The following NME7 variants were observed in gnomAD, a reference collection of about 807,000 sequenced individuals.
NME7 encodes nucleoside diphosphate kinase 7.
A neutral mutation model predicts 49.1 loss-of-function variants in NME7; 41 were observed. The ratio of observed to expected loss-of-function variants is 0.83; its 90% confidence interval spans 0.65 to 1.08. The LOEUF (loss-of-function observed/expected upper bound fraction) is 1.08, where lower values mean the gene tolerates loss of function less well. Ranked by LOEUF, NME7 falls within the 50% of genes least tolerant of loss-of-function variation. The pLI, the probability that NME7 is intolerant of heterozygous loss-of-function variation, is 0.00. For missense variants in NME7, 423 were observed against 463.4 expected (o/e 0.91, Z 0.80); for synonymous variants, 139 against 150.6 (o/e 0.92, Z 0.56).
chr1:169,180,783 A>C (rs532894124), intron 10 of NME7, among the ~76,000 whole-genome samples: 1 of 152,200 alleles, frequency 6.6e-6, no homozygotes, highest in Non-Finnish European at 1.5e-5. Flanking sequence ...AATTAATAAA[A>C]ATTATTAATG....
chr1:169,176,176 T>TGG (rs1659745182), intron 10 of NME7, among the ~76,000 whole-genome samples: 1 of 151,792 alleles, frequency 6.6e-6, no homozygotes, highest in Admixed American at 6.6e-5. Flanking sequence ...CAAACTAAAA[T>TGG]GAGATAATGA....
chr1:169,343,162 T>C (rs1006040869), intron 1 of NME7, among the ~76,000 whole-genome samples: 4 of 151,394 alleles, frequency 2.6e-5, no homozygotes, highest in African/African-American at 4.9e-5. Flanking sequence ...TTTGGTGTCA[T>C]ATCTAAGAAG....
At chr1:169,136,277 C>G (rs1658428960) in intron 11 of NME7, among the ~76,000 whole-genome samples, 1 of 152,156 alleles carries the variant, frequency 6.6e-6, no homozygotes, top group Admixed American at 6.5e-5. Flanking sequence ...TGGGGAGGTT[C>G]TGATGAGTCT....
In NME7 at chr1:169,257,036, C is replaced by T. The variant is rs1313636343; in HGVS notation, c.755-19349G>A. On this transcript the variant is annotated intron_variant, in intron 7 of 11. Coordinates refer to ENST00000367811, the MANE Select transcript of NME7 (RefSeq NM_013330.5). ...CTTTTTGTTTGTCTGTGCCCTGCCC[C>T]CAGAGGTGGAGCCTACAGAGGCAGG... 2.0e-4 allele frequency among the ~76,000 whole-genome samples: 26 copies of T among 132,744 alleles called. 3 individuals are homozygous for T. Among genetic ancestry groups the T allele is most frequent in the African/African-American group, 6.6e-4 (26 of 39,386 alleles). The allele number at this position is 132,744 out of a possible 152,430, so 87.1% of individuals were successfully genotyped here. A position where few individuals can be genotyped will look rare whatever the true frequency, so the allele number is the denominator to read the frequency against.
At chr1:169,274,182 A>C (rs1248596391) in intron 7 of NME7, among the ~76,000 whole-genome samples, 4 of 132,994 alleles carry the variant, frequency 3.0e-5, no homozygotes, top group African/African-American at 1.0e-4. Context: ...ATGGTATGTC[A>C]TTGTGGTTTT....
At chr1:169,258,436 ATATAT>A (rs1237679463) in intron 7 of NME7, among the ~76,000 whole-genome samples, 1 of 121,318 alleles carries the variant, frequency 8.2e-6, no homozygotes, top group African/African-American at 2.8e-5. Context: ...ACACACACAC[ATATAT>A]CTTCTCATTC....
intron 1 of NME7, among the ~76,000 whole-genome samples, chr1:169,330,110 A>C (rs1413462367): frequency 6.6e-6 from 1 of 152,188 alleles, no homozygotes; most frequent in Non-Finnish European, 1.5e-5. Flanking sequence ...TCCTTCAAAC[A>C]TCAAGGAGAA....
intron 11 of NME7, among the ~76,000 whole-genome samples, chr1:169,143,250 T>G (rs1658654038): frequency 6.8e-6 from 1 of 148,072 alleles, no homozygotes; most frequent in Non-Finnish European, 1.5e-5. Flanking sequence ...GCCCAATCTC[T>G]ATTTCTCCAG....
chr1:169,241,285 C>T (rs1379643856), intron 7 of NME7, among the ~76,000 whole-genome samples: 1 of 151,902 alleles, frequency 6.6e-6, no homozygotes. Context: ...AATACAGTAA[C>T]TACTAGCACA....
intron 1 of NME7, among the ~76,000 whole-genome samples, chr1:169,357,195 A>C (rs1290260892): frequency 6.6e-6 from 1 of 152,006 alleles, no homozygotes; most frequent in East Asian, 1.9e-4. Context: ...AATTTCTCTA[A>C]GTTAGTATTA....
At chr1:169,258,060 T>C (rs1364957664) in intron 7 of NME7, among the ~76,000 whole-genome samples, 2 of 132,948 alleles carry the variant, frequency 1.5e-5, no homozygotes, top group Non-Finnish European at 3.5e-5. Context: ...GACATAGGCC[T>C]GGCACAGTGG....
At chr1:169,192,252 A>C (rs1348632763) in intron 10 of NME7, among the ~76,000 whole-genome samples, 1 of 152,178 alleles carries the variant, frequency 6.6e-6, no homozygotes, top group Non-Finnish European at 1.5e-5. Flanking sequence ...GCAGCTGGAG[A>C]CATCTTAAAG....
At position 169,342,910 on chromosome 1, in the gene NME7, AGT is replaced by A. The variant is rs1219770883; in HGVS notation, c.4-18412_4-18411del. Among the ~76,000 whole-genome samples, 100 of 81,000 alleles carry A rather than the reference AGT, an allele frequency of 1.2e-3. 10 individuals are homozygous for A. The highest frequency in any genetic ancestry group is 2.9e-3 in the Admixed American group (18 of 6,256). The allele number at this position is 81,000 out of a possible 152,430, so 53.1% of individuals were successfully genotyped here. On this transcript the variant is annotated intron_variant, in intron 1 of 11. Transcript: ENST00000367811. ...TACATATATACAAGTACATATATAT[AGT>A]GTATATATATATATACAAGTACATA...
chr1:169,176,523 G>A (rs1390163053), intron 10 of NME7, among the ~76,000 whole-genome samples: 1 of 151,714 alleles, frequency 6.6e-6, no homozygotes, highest in East Asian at 1.9e-4. Flanking sequence ...ACCTGAAGAG[G>A]GTCACAATTA....
chr1:169,367,617 G>C (rs1324224772), intron 1 of NME7, 91 bp downstream of exon 1: 2 of 1,464,872 alleles, frequency 1.4e-6, no homozygotes, highest in East Asian at 2.3e-5. Flanking sequence ...CGGGAGGACC[G>C]GACAACTTTA....
At chr1:169,172,293 A>G (rs1659621265) in intron 10 of NME7, among the ~76,000 whole-genome samples, 1 of 151,910 alleles carries the variant, frequency 6.6e-6, no homozygotes, top group Non-Finnish European at 1.5e-5. Context: ...AAAAACAAAA[A>G]AAAAACAAAC....
chr1:169,157,154 C>T (rs1405650762), intron 11 of NME7, among the ~76,000 whole-genome samples: 1 of 152,126 alleles, frequency 6.6e-6, no homozygotes, highest in East Asian at 1.9e-4. Flanking sequence ...GAAAGTGGGG[C>T]TCACTCTCAT....
intron 4 of NME7, among the ~76,000 whole-genome samples, chr1:169,305,366 G>A (rs1303258926): frequency 6.6e-6 from 1 of 152,128 alleles, no homozygotes; most frequent in Admixed American, 6.5e-5. Context: ...CTTGATTGAG[G>A]CACTGATCCA....
intron 1 of NME7, among the ~76,000 whole-genome samples, chr1:169,361,817 G>A (rs1473205060): frequency 6.7e-6 from 1 of 149,020 alleles, no homozygotes; most frequent in Non-Finnish European, 1.5e-5. Flanking sequence ...AACAAAACCA[G>A]AAAAGCTATT....
Sources: allele counts gnomAD v4.1 joint callset (sites outside exome capture counted in the v4.1 genomes callset), GRCh38; gene constraint gnomAD v4.1.1; transcripts MANE v1.5; gene names NCBI Gene and HGNC (gene_info 2026-07-23, HGNC 2026-07-21).